The following SGCZ variants were observed in gnomAD, a reference collection of about 807,000 sequenced individuals.
SGCZ encodes the protein zeta-sarcoglycan.
In SGCZ, 40 loss-of-function variants were observed where a neutral mutation model predicts 41.3. The ratio of observed to expected loss-of-function variants is 0.97; its 90% confidence interval spans 0.75 to 1.26. The LOEUF (loss-of-function observed/expected upper bound fraction) is 1.26, where lower values mean the gene tolerates loss of function less well. Among genes scored for constraint, SGCZ ranks in the 50% most tolerant of loss-of-function variants. The pLI is 0.00. For synonymous variants in SGCZ, 206 were observed against 137.5 expected, an observed-to-expected ratio of 1.50 and a Z score of -3.49; for missense variants, 552 against 369.8, an observed-to-expected ratio of 1.49 and a Z score of -4.04.
intron 1 of SGCZ, among the ~76,000 whole-genome samples, chr8:14,632,453 T>C (rs762361323): frequency 4.6e-5 from 7 of 152,144 alleles, no homozygotes; most frequent in Non-Finnish European, 7.4e-5. Context: ...TATCATTTAT[T>C]AAACTGAAGC....
chr8:15,152,774 G>T, intron 1 of SGCZ, among the ~76,000 whole-genome samples: 1 of 152,108 alleles, frequency 6.6e-6, no homozygotes, highest in East Asian at 1.9e-4. Context: ...TCTCTATTAA[G>T]AACACTAGTA....
At chr8:14,431,731 G>C (rs965526383) in intron 2 of SGCZ, among the ~76,000 whole-genome samples, 2 of 151,558 alleles carry the variant, frequency 1.3e-5, no homozygotes, top group African/African-American at 4.8e-5. Flanking sequence ...AAAAAGAACA[G>C]TTAGTAAAAA....
At chr8:14,099,270 C>A (rs769504332) in intron 7 of SGCZ, among the ~76,000 whole-genome samples, 1 of 152,156 alleles carries the variant, frequency 6.6e-6, no homozygotes. Flanking sequence ...TATGGCTCTT[C>A]AATATTGTCT....
intron 1 of SGCZ, among the ~76,000 whole-genome samples, chr8:14,794,808 A>G (rs1010450115): frequency 2.6e-5 from 4 of 152,222 alleles, no homozygotes; most frequent in Non-Finnish European, 4.4e-5. Flanking sequence ...ATCATATTCA[A>G]AGAGTCAGCA....
intron 1 of SGCZ, among the ~76,000 whole-genome samples, chr8:14,838,263 A>T (rs1185696858): frequency 6.6e-6 from 1 of 152,150 alleles, no homozygotes; most frequent in East Asian, 1.9e-4. Flanking sequence ...GCACAATAGG[A>T]TGACTATAGT....
intron 1 of SGCZ, among the ~76,000 whole-genome samples, chr8:14,695,035 T>C (rs1157590703): frequency 5.9e-5 from 9 of 152,166 alleles, no homozygotes; most frequent in Non-Finnish European, 1.5e-5. Flanking sequence ...AGACTTGCAA[T>C]GCCTTGGAAA....
At chr8:14,251,699 A>T (rs570192109) in intron 3 of SGCZ, among the ~76,000 whole-genome samples, 1 of 152,294 alleles carries the variant, frequency 6.6e-6, no homozygotes, top group Admixed American at 6.5e-5. Context: ...ATAGTATTAG[A>T]CTTGCATGCA....
intron 1 of SGCZ, among the ~76,000 whole-genome samples, chr8:14,945,829 C>A (rs947974389): frequency 6.6e-6 from 1 of 150,802 alleles, no homozygotes; most frequent in East Asian, 2.0e-4. Context: ...CAGTTACCCC[C>A]TCAGGTTCTC....
At chr8:14,647,892 AT>A in intron 1 of SGCZ, among the ~76,000 whole-genome samples, 1 of 152,096 alleles carries the variant, frequency 6.6e-6, no homozygotes, top group Non-Finnish European at 1.5e-5. Context: ...TTACGACAAC[AT>A]TTCATTATTT....
chr8:14,528,839 AAAACAAAAAC>A (rs1803036671), intron 2 of SGCZ, among the ~76,000 whole-genome samples: 10 of 135,300 alleles, frequency 7.4e-5, no homozygotes, highest in African/African-American at 2.2e-4. Context: ...AAAAAAAAAC[AAAACAAAAAC>A]AAAAAAAGAG....
chr8:15,149,623 C>T (rs1289867613), intron 1 of SGCZ, among the ~76,000 whole-genome samples: 1 of 144,934 alleles, frequency 6.9e-6, no homozygotes, highest in Admixed American at 7.2e-5. Context: ...TACATCATTG[C>T]TAAGATTGAA....
intron 1 of SGCZ, among the ~76,000 whole-genome samples, chr8:14,772,532 C>G (rs1800275659): frequency 6.7e-6 from 1 of 149,568 alleles, no homozygotes; most frequent in South Asian, 2.1e-4. Context: ...CACCCATTAA[C>G]TCATCATTTA....
chr8:14,480,820 T>A (rs1585572079), intron 2 of SGCZ, among the ~76,000 whole-genome samples: 1 of 152,074 alleles, frequency 6.6e-6, no homozygotes, highest in Non-Finnish European at 1.5e-5. Context: ...AGGTCACATA[T>A]GTCTTTAATT....
At chr8:14,969,113 C>G (rs1801212946) in intron 1 of SGCZ, among the ~76,000 whole-genome samples, 1 of 152,130 alleles carries the variant, frequency 6.6e-6, no homozygotes, top group Non-Finnish European at 1.5e-5. Context: ...ACCGCACTCT[C>G]ATATCCACTA....
intron 1 of SGCZ, among the ~76,000 whole-genome samples, chr8:14,931,349 G>C (rs577916914): frequency 6.6e-6 from 1 of 152,072 alleles, no homozygotes; most frequent in African/African-American, 2.4e-5. Flanking sequence ...CTATTCTTGA[G>C]TTCCTACTTT....
chr8:14,846,184 C>G (rs1803094403), intron 1 of SGCZ, among the ~76,000 whole-genome samples: 1 of 152,004 alleles, frequency 6.6e-6, no homozygotes, highest in African/African-American at 2.4e-5. Context: ...AACCAACTTG[C>G]CTAATTTATG....
intron 2 of SGCZ, among the ~76,000 whole-genome samples, chr8:14,514,977 T>C (rs1802578825): frequency 6.6e-6 from 1 of 151,884 alleles, no homozygotes. Flanking sequence ...CCGATTATAA[T>C]TGCTTGTTTT....
At chr8:14,743,950 CTGT>C (rs1319881009) in intron 1 of SGCZ, among the ~76,000 whole-genome samples, 1 of 152,056 alleles carries the variant, frequency 6.6e-6, no homozygotes, top group African/African-American at 2.4e-5. Context: ...TTTTCTTTGC[CTGT>C]TGTTTCATAA....
chr8:15,023,414 G>A (rs1466327332), intron 1 of SGCZ, among the ~76,000 whole-genome samples: 4 of 152,052 alleles, frequency 2.6e-5, no homozygotes, highest in African/African-American at 4.8e-5. Context: ...GCAAAGACTC[G>A]CGCCTTCTCT....
Sources: allele counts gnomAD v4.1 joint callset (sites outside exome capture counted in the v4.1 genomes callset), GRCh38; gene constraint gnomAD v4.1.1; transcripts MANE v1.5; gene names NCBI Gene and HGNC (gene_info 2026-07-23, HGNC 2026-07-21).